The following DNAAF11 variants were observed in gnomAD, a reference collection of about 807,000 sequenced individuals.
DNAAF11 encodes the protein dynein axonemal assembly factor 11.
A neutral mutation model predicts 60.8 loss-of-function variants in DNAAF11; 45 were observed. That is an observed-to-expected ratio of 0.74 (90% CI 0.58 to 0.95). The LOEUF is 0.95. Ranked by LOEUF, DNAAF11 falls within the 40% of genes least tolerant of loss-of-function variation. DNAAF11 has a pLI of 0.00. For missense variants in DNAAF11, 546 were observed against 546.2 expected, an observed-to-expected ratio of 1.00 and a Z score of 0.00; for synonymous variants, 191 against 183.5, an observed-to-expected ratio of 1.04 and a Z score of -0.33.
chr8:132,636,512 T>G (rs1401417510), intron 4 of DNAAF11, among the ~76,000 whole-genome samples: 2 of 152,188 alleles, frequency 1.3e-5, no homozygotes. Context: ...TCAAAAACAC[T>G]GTGCCCAAAG....
chr8:132,598,317 C>G (rs994522986), intron 10 of DNAAF11, among the ~76,000 whole-genome samples: 1 of 152,124 alleles, frequency 6.6e-6, no homozygotes, highest in Non-Finnish European at 1.5e-5. Context: ...CTAGTGTTTT[C>G]TATGACATGA....
At position 132,574,527 on chromosome 8, in the gene DNAAF11, A is replaced by G. The variant is rs113371442; in HGVS notation, c.1227-2047T>C. 1.0e-2 allele frequency among the ~76,000 whole-genome samples: 1,523 copies of G among 152,350 alleles called. 42 individuals carry two copies. The highest frequency in any genetic ancestry group is 0.035 in the African/African-American group (1,453 of 41,570). On this transcript the variant is annotated intron_variant, in intron 11 of 11. Coordinates refer to ENST00000620350, the MANE Select transcript of DNAAF11 (RefSeq NM_012472.6). Reference sequence around the variant, plus strand: ...CATATGTGTTGTTGCAACCCATTGCAGGAGGAATTAAGCATGTCTTGTGTG... The same window carrying G: ...CATATGTGTTGTTGCAACCCATTGCGGGAGGAATTAAGCATGTCTTGTGTG...
At chr8:132,610,947 T>G (rs1818601720) in intron 9 of DNAAF11, among the ~76,000 whole-genome samples, 1 of 152,148 alleles carries the variant, frequency 6.6e-6, no homozygotes, top group South Asian at 2.1e-4. Flanking sequence ...CAGGCTGGAG[T>G]GCAGTGGGGT....
intron 11 of DNAAF11, 78 bp downstream of exon 11, chr8:132,583,616 G>T: frequency 9.3e-7 from 1 of 1,075,330 alleles, no homozygotes; most frequent in Non-Finnish European, 1.4e-6. Context: ...GTACAATTTT[G>T]GAAGCTGCAT....
At chr8:132,653,926 G>T (rs1823277370) in intron 3 of DNAAF11, among the ~76,000 whole-genome samples, 1 of 152,018 alleles carries the variant, frequency 6.6e-6, no homozygotes, top group South Asian at 2.1e-4. Context: ...AATTACATTA[G>T]GTGTAAATGG....
chr8:132,609,260 A>G (rs1363618075), intron 10 of DNAAF11, among the ~76,000 whole-genome samples: 1 of 152,024 alleles, frequency 6.6e-6, no homozygotes, highest in East Asian at 1.9e-4. Flanking sequence ...ACATCTGTAC[A>G]CTTTAAATCA....
At chr8:132,591,435 G>C (rs1816453129) in intron 10 of DNAAF11, among the ~76,000 whole-genome samples, 1 of 149,486 alleles carries the variant, frequency 6.7e-6, no homozygotes, top group Admixed American at 6.6e-5. Context: ...TTAAATGTTT[G>C]ATAATAAGAT....
intron 1 of DNAAF11, among the ~76,000 whole-genome samples, chr8:132,674,428 TA>T (rs35122865): frequency 6.6e-6 from 1 of 152,148 alleles, no homozygotes; most frequent in Non-Finnish European, 1.5e-5. Context: ...TCTCTTGATT[TA>T]AAAAAAGTTA....
chr8:132,666,955 A>G (rs977384821), intron 1 of DNAAF11, among the ~76,000 whole-genome samples: 3 of 152,310 alleles, frequency 2.0e-5, no homozygotes, highest in Middle Eastern at 3.4e-3. Context: ...GGGCAGATAA[A>G]AGACAATTCC....
intron 10 of DNAAF11, among the ~76,000 whole-genome samples, chr8:132,590,740 C>T (rs1196813546): frequency 6.6e-6 from 1 of 152,110 alleles, no homozygotes; most frequent in East Asian, 1.9e-4. Context: ...TGAAAACAGT[C>T]CTAGCTGATA....
At chr8:132,675,592 T>G, upstream of DNAAF11, 1 of 1,294,672 alleles carries the variant, frequency 7.7e-7, no homozygotes, top group South Asian at 1.6e-5. Flanking sequence ...CCGTCGGAAT[T>G]CAGGAGCCAT....
upstream of DNAAF11, among the ~76,000 whole-genome samples, chr8:132,676,437 AAGG>A (rs1825762771): frequency 6.6e-6 from 1 of 152,176 alleles, no homozygotes; most frequent in African/African-American, 2.4e-5. Context: ...TTTGCAGAAA[AAGG>A]AGGGGGGCAA....
chr8:132,658,651 TGA>T (rs1823828855), intron 2 of DNAAF11, among the ~76,000 whole-genome samples: 1 of 152,206 alleles, frequency 6.6e-6, no homozygotes, highest in South Asian at 2.1e-4. Flanking sequence ...CTAAGAACTA[TGA>T]GAGTCTCGTC....
rs1823880711 is a variant in DNAAF11, at chr8:132,659,146, A to ACC, written c.179-2241_179-2240dup. On this transcript the variant is annotated intron_variant, in intron 2 of 11. Transcript: ENST00000620350. ...GTCTGGGGACGGGGCACTTGACAAG[A>ACC]CCCCACATGGCCCCTGGGCTCCCTC... 1.3e-5 allele frequency among the ~76,000 whole-genome samples: 2 copies of ACC among 152,022 alleles called. 1 individual carries two copies. The highest frequency in any genetic ancestry group is 1.3e-4 in the Admixed American group (2 of 15,258).
In DNAAF11 at chr8:132,642,852, C is replaced by T. The variant is rs532742393; in HGVS notation, c.257-4745G>A. Among the ~76,000 whole-genome samples the T allele has an allele frequency of 3.3e-5, 5 of 152,304 alleles. No homozygotes were observed. The South Asian group carries it at 1.0e-3, about 32-fold the overall frequency. Reference sequence around the variant, plus strand: ...GAGTTGGGATTTGGACCCAGGTTGGCCCACCTGAAGATTCTCTGAACGGAT... The same window carrying T: ...GAGTTGGGATTTGGACCCAGGTTGGTCCACCTGAAGATTCTCTGAACGGAT... On this transcript the variant is annotated intron_variant, in intron 3 of 11. Coordinates refer to ENST00000620350, the MANE Select transcript of DNAAF11 (RefSeq NM_012472.6).
intron 6 of DNAAF11, among the ~76,000 whole-genome samples, chr8:132,624,931 C>T (rs1563641583): frequency 2.0e-5 from 3 of 151,998 alleles, no homozygotes; most frequent in Admixed American, 1.3e-4. Flanking sequence ...CAAAAAGGAG[C>T]CCATTCATTC....
chr8:132,577,026 C>T (rs987963469), intron 11 of DNAAF11, among the ~76,000 whole-genome samples: 3 of 152,076 alleles, frequency 2.0e-5, no homozygotes, highest in African/African-American at 7.2e-5. Flanking sequence ...TAGCAAAATG[C>T]CCAAATCATA....
At chr8:132,665,516 C>G (rs1055659504) in intron 1 of DNAAF11, among the ~76,000 whole-genome samples, 5 of 151,830 alleles carry the variant, frequency 3.3e-5, no homozygotes, top group Non-Finnish European at 7.4e-5. Context: ...CACTAGTCAT[C>G]AGAGAAATGC....
chr8:132,668,812 GGATGACAT>G, intron 1 of DNAAF11, among the ~76,000 whole-genome samples: 1 of 152,292 alleles, frequency 6.6e-6, no homozygotes, highest in African/African-American at 2.4e-5. Context: ...AGGCCATCGT[GGATGACAT>G]GATGCACTTC....
Sources: allele counts gnomAD v4.1 joint callset (sites outside exome capture counted in the v4.1 genomes callset), GRCh38; gene constraint gnomAD v4.1.1; transcripts MANE v1.5; gene names NCBI Gene and HGNC (gene_info 2026-07-23, HGNC 2026-07-21).